YTHDC2: variants seen among roughly 807,000 people sequenced by gnomAD.
YTHDC2 encodes the protein YTH N6-methyladenosine RNA binding protein C2.
YTHDC2 carries 45 observed loss-of-function variants against 174.9 expected under a neutral mutation model. The ratio of observed to expected loss-of-function variants is 0.26; its 90% CI spans 0.20 to 0.33. YTHDC2 has a LOEUF of 0.33. YTHDC2 is among the 10% of genes least tolerant of loss of function. YTHDC2 has a pLI of 1.00. For synonymous variants in YTHDC2, 657 were observed against 574.5 expected (o/e 1.14, Z -2.05); for missense variants, 1,650 against 1,723.7 (o/e 0.96, Z 0.76).
At chr5:113,565,090 C>T (rs1184658998) in intron 20 of YTHDC2, among the ~76,000 whole-genome samples, 2 of 152,080 alleles carry the variant, frequency 1.3e-5, no homozygotes, top group Non-Finnish European at 2.9e-5. Flanking sequence ...CTGGGATTAC[C>T]ATGTGTGAGC....
chr5:113,534,579 T>A (rs1218864024), intron 6 of YTHDC2, among the ~76,000 whole-genome samples, 172 bp downstream of exon 6: 1 of 152,170 alleles, frequency 6.6e-6, no homozygotes, highest in Non-Finnish European at 1.5e-5. Flanking sequence ...CAATTTATTT[T>A]TTGTCTATAA....
rs756237262 is a variant in YTHDC2 at position 113,567,783 on chromosome 5, A to G, written c.3178A>G (p.Ile1060Val). The change falls in exon 23 of 30, where the codon ATA (isoleucine) becomes GTA (valine). Residue 1060 changes from isoleucine to valine, a missense_variant. By Grantham distance (29) the Ile-to-Val change is conservative. Around this residue, in one of 5 missense-constraint regions of YTHDC2, gnomAD observed 913 missense variants for 940.4 expected, o/e 0.97. Transcript: ENST00000161863. ...TTGTTCAGCAGTGACGCCTGTCACTATATTGGTATTCTGTGGACCAGCTAG... is the reference window on the plus strand; with the variant it reads ...TTGTTCAGCAGTGACGCCTGTCACTGTATTGGTATTCTGTGGACCAGCTAG... ...RCCSAVTPVT[I>V]LVFCGPARLA... 1.2e-5 allele frequency: 20 copies of G among 1,606,776 alleles called. No individual in the cohort carries two copies. Among genetic ancestry groups the G allele is most frequent in the Middle Eastern group, 3.3e-4 (2 of 6,060 alleles).
chr5:113,532,722 T>C (rs1218604013), intron 4 of YTHDC2, among the ~76,000 whole-genome samples, 157 bp from the exon 5 acceptor site: 1 of 152,252 alleles, frequency 6.6e-6, no homozygotes, highest in Non-Finnish European at 1.5e-5. Context: ...AAATTACATT[T>C]TTTAGCTGAT....
At chr5:113,559,066 TA>T (rs970880412) in intron 17 of YTHDC2, among the ~76,000 whole-genome samples, 1 of 152,050 alleles carries the variant, frequency 6.6e-6, no homozygotes, top group Admixed American at 6.6e-5. Flanking sequence ...GAGGGTAGTG[TA>T]AGAAGAGCAG....
chr5:113,567,504 G>A (rs997655863), intron 22 of YTHDC2, 150 bp from the exon 23 acceptor site: 10 of 665,324 alleles, frequency 1.5e-5, no homozygotes, highest in African/African-American at 5.9e-5. Context: ...ACTTTTGTAC[G>A]AACTACATGA....
intron 10 of YTHDC2, among the ~76,000 whole-genome samples, chr5:113,546,655 G>C (rs978213251): frequency 6.6e-6 from 1 of 152,138 alleles, no homozygotes; most frequent in African/African-American, 2.4e-5. Context: ...CTAACACTTA[G>C]AAGCCTGAAA....
chr5:113,519,980 C>T (rs968244586), intron 2 of YTHDC2, among the ~76,000 whole-genome samples: 1 of 152,098 alleles, frequency 6.6e-6, no homozygotes, highest in African/African-American at 2.4e-5. Context: ...GTTTGCTGCA[C>T]CTATCAACTC....
intron 2 of YTHDC2, among the ~76,000 whole-genome samples, chr5:113,519,254 T>C (rs774542253): frequency 5.3e-5 from 8 of 152,194 alleles, no homozygotes; most frequent in Non-Finnish European, 7.4e-5. Flanking sequence ...TGATTTTTAA[T>C]ATATCCTAAA....
chr5:113,548,690 C>G (rs535433887), intron 11 of YTHDC2, 23 bp downstream of exon 11: 82 of 1,593,026 alleles, frequency 5.1e-5, no homozygotes, highest in Non-Finnish European at 6.7e-5. Flanking sequence ...TACGTTGATT[C>G]TTCATATATC....
At chr5:113,529,602 A>G (rs1264550196) in intron 4 of YTHDC2, among the ~76,000 whole-genome samples, 1 of 151,748 alleles carries the variant, frequency 6.6e-6, no homozygotes, top group Non-Finnish European at 1.5e-5. Flanking sequence ...TCATATTTTA[A>G]CTTGCATTTT....
intron 23 of YTHDC2, among the ~76,000 whole-genome samples, chr5:113,568,882 A>G (rs953897956): frequency 2.0e-5 from 3 of 152,084 alleles, no homozygotes; most frequent in African/African-American, 7.2e-5. Context: ...TCCTTTGGGT[A>G]TTTACCCAGA....
Position 113,549,013 on chromosome 5 carries a change from T to C in YTHDC2, c.1681T>C (p.Ser561Pro). 4 of 1,612,214 alleles carry C rather than the reference T, an allele frequency of 2.5e-6. No homozygotes were observed. The highest frequency in any genetic ancestry group is 3.4e-6 in the Non-Finnish European group (4 of 1,178,838). Residue 561 changes from serine to proline, a missense_variant, in exon 12 of 30, where the codon TCT becomes CCT. Transcript: ENST00000161863. ...GQTEIVDLLE[S>P]YSATLEFGNL... is the part of the protein sequence containing the mutation. ...GACTGAAATTGTGGATCTTCTAGAA[T>C]CTTACAGGTAAAACTTTGTACTATT...
chr5:113,532,848 C>T, intron 4 of YTHDC2, 31 bp from the exon 5 acceptor site: 1 of 1,578,466 alleles, frequency 6.3e-7, no homozygotes, highest in Non-Finnish European at 8.6e-7. Context: ...GTGATCATGT[C>T]ATCTTACAGT....
At chr5:113,537,915 G>T (rs1181551358) in intron 7 of YTHDC2, among the ~76,000 whole-genome samples, 1 of 151,948 alleles carries the variant, frequency 6.6e-6, no homozygotes, top group Non-Finnish European at 1.5e-5. Flanking sequence ...GGTGATCAGG[G>T]ACATCAGATC....
intron 10 of YTHDC2, among the ~76,000 whole-genome samples, chr5:113,543,915 T>G (rs1427095898): frequency 6.6e-6 from 1 of 152,234 alleles, no homozygotes; most frequent in African/African-American, 2.4e-5. Context: ...CCTTCTCTTT[T>G]CTGACCACCT....
Position 113,535,637 on chromosome 5 carries a change from T to C in YTHDC2, c.946-5T>C. On this transcript the variant is annotated splice_region_variant and splice_polypyrimidine_tract_variant and intron_variant, in intron 6 of 29. Transcript: ENST00000161863. ...GTTCCATGGTTTTATTTCTGTTTACTATAGGATGAAGTGCATGAAAGGGAT... is the reference window on the plus strand; with the variant it reads ...GTTCCATGGTTTTATTTCTGTTTACCATAGGATGAAGTGCATGAAAGGGAT... 2 of 1,602,342 alleles carry C rather than the reference T, an allele frequency of 1.2e-6. No individual in the cohort carries two copies. Among genetic ancestry groups the C allele is most frequent in the South Asian group, 2.3e-5 (2 of 88,700 alleles).
At chr5:113,519,076 T>G (rs1773684701) in intron 2 of YTHDC2, among the ~76,000 whole-genome samples, 1 of 152,002 alleles carries the variant, frequency 6.6e-6, no homozygotes, top group South Asian at 2.1e-4. Flanking sequence ...TCTTGCTATG[T>G]TGCCCAGCCT....
rs372032235 is a variant in YTHDC2 at position 113,567,341 on chromosome 5, T to G, written c.3048+44T>G. ...TGTTGGGTTTTGAGGTGAAACTAAT[T>G]TAGGTAGTTCACTATCAATGAAAAA... On this transcript the variant is annotated intron_variant, in intron 22 of 29. Transcript: ENST00000161863. The G allele has an allele frequency of 5.9e-6, 9 of 1,515,656 alleles. No homozygotes were observed. In the South Asian group the frequency reaches 6.7e-5, roughly 11 times the overall value. The allele number at this position is 1,515,656 out of a possible 1,614,324, so 93.9% of individuals were successfully genotyped here.
intron 7 of YTHDC2, among the ~76,000 whole-genome samples, chr5:113,538,765 G>T: frequency 6.6e-6 from 1 of 151,950 alleles, no homozygotes; most frequent in East Asian, 1.9e-4. Flanking sequence ...CCACTAGCTT[G>T]CCTCCAGGGA....
Sources: gnomAD v4.1 joint callset for allele counts (sites outside exome capture counted in the v4.1 genomes callset) on GRCh38, gnomAD v4.1.1 for gene constraint, gnomAD v4.1.1 regional missense constraint, MANE v1.5 for transcripts, NCBI Gene and HGNC (gene_info 2026-07-23, HGNC 2026-07-21) for gene names.